Variants in SCLT1 observed in about 807,000 individuals in gnomAD.
SCLT1 encodes the protein sodium channel and clathrin linker 1.
A neutral mutation model predicts 112.8 loss-of-function variants in SCLT1; 78 were observed. The ratio of observed to expected loss-of-function variants is 0.69; its 90% CI spans 0.58 to 0.83. The LOEUF (loss-of-function observed/expected upper bound fraction) is 0.83. SCLT1 is among the 40% of genes least tolerant of loss of function. The pLI, the probability that SCLT1 is intolerant of heterozygous loss-of-function variation, is 0.00. For missense variants in SCLT1, 747 were observed against 770.4 expected (o/e 0.97, Z 0.36); for synonymous variants, 257 against 254.7 (o/e 1.01, Z -0.09).
At position 128,946,165 on chromosome 4, in the gene SCLT1, C is replaced by T. The variant is rs760916474; in HGVS notation, c.1294-13G>A. On this transcript the variant is annotated splice_polypyrimidine_tract_variant and intron_variant, in intron 15 of 20. Coordinates refer to ENST00000281142, the MANE Select transcript of SCLT1 (RefSeq NM_144643.4). Reference sequence around the variant, plus strand: ...CTTCACGGTAAATCTGCAGAAAAGGCTTATTAGGTATATAATATTACAGAA... The same window carrying T: ...CTTCACGGTAAATCTGCAGAAAAGGTTTATTAGGTATATAATATTACAGAA... 1 of 1,571,738 alleles carries T rather than the reference C, an allele frequency of 6.4e-7. No homozygotes were observed. Among genetic ancestry groups the T allele is most frequent in the Non-Finnish European group, 8.7e-7 (1 of 1,144,240 alleles).
chr4:128,900,390 G>A (rs9683989), intron 18 of SCLT1, among the ~76,000 whole-genome samples: 40,482 of 151,788 alleles, frequency 0.27, 5,712 homozygotes, highest in East Asian at 0.33. Flanking sequence ...ACAACCATCT[G>A]GTCTTTGACA....
intron 5 of SCLT1, among the ~76,000 whole-genome samples, chr4:129,026,452 T>C (rs1746093066): frequency 6.6e-6 from 1 of 151,832 alleles, no homozygotes; most frequent in African/African-American, 2.4e-5. Flanking sequence ...GAATGACTAC[T>C]GGGTAAATAA....
chr4:129,048,458 C>T (rs1168100548), intron 2 of SCLT1, among the ~76,000 whole-genome samples: 2 of 149,570 alleles, frequency 1.3e-5, no homozygotes, highest in African/African-American at 2.4e-5. Flanking sequence ...CCCTTCCTTA[C>T]ACCTTATACA....
At chr4:129,009,082 G>C (rs1560958657) in intron 5 of SCLT1, among the ~76,000 whole-genome samples, 1 of 152,140 alleles carries the variant, frequency 6.6e-6, no homozygotes, top group African/African-American at 2.4e-5. Flanking sequence ...CATCTAGGTT[G>C]ATCTATGTCT....
intron 8 of SCLT1, among the ~76,000 whole-genome samples, chr4:128,993,445 C>T (rs1742746691): frequency 6.6e-6 from 1 of 151,946 alleles, no homozygotes; most frequent in Non-Finnish European, 1.5e-5. Context: ...TTGGGAACAC[C>T]TCAAAGATAG....
chr4:129,085,214 GACA>G (rs1347401355), intron 1 of SCLT1, among the ~76,000 whole-genome samples: 3 of 152,034 alleles, frequency 2.0e-5, no homozygotes, highest in African/African-American at 7.2e-5. Context: ...CTCATGAACA[GACA>G]CCTTTTAAAA....
intron 10 of SCLT1, among the ~76,000 whole-genome samples, chr4:128,969,292 G>A (rs1715811538): frequency 6.6e-6 from 1 of 152,024 alleles, no homozygotes. Flanking sequence ...CCTATTGCTG[G>A]CCGGGCGCGG....
chr4:128,903,155 T>C (rs1476765826), intron 18 of SCLT1, among the ~76,000 whole-genome samples: 1 of 152,198 alleles, frequency 6.6e-6, no homozygotes, highest in Admixed American at 6.5e-5. Context: ...CCAGTAACAC[T>C]GCTGTTGATT....
chr4:128,931,434 C>T (rs1736753364), intron 18 of SCLT1, among the ~76,000 whole-genome samples: 1 of 151,986 alleles, frequency 6.6e-6, no homozygotes, highest in Non-Finnish European at 1.5e-5. Flanking sequence ...AGATATATTT[C>T]ATTATATAAA....
intron 18 of SCLT1, among the ~76,000 whole-genome samples, chr4:128,894,699 G>A (rs1453426479): frequency 6.6e-6 from 1 of 151,458 alleles, no homozygotes; most frequent in Non-Finnish European, 1.5e-5. Context: ...TTTTTTGTGA[G>A]ATGGAGTCTC....
intron 18 of SCLT1, among the ~76,000 whole-genome samples, chr4:128,895,979 G>T (rs1030783945): frequency 6.6e-6 from 1 of 152,222 alleles, no homozygotes; most frequent in African/African-American, 2.4e-5. Flanking sequence ...AGGCGGCAGC[G>T]AGGCTGGGGG....
intron 20 of SCLT1, among the ~76,000 whole-genome samples, chr4:128,886,157 C>A (rs1325473890): frequency 6.6e-6 from 1 of 152,120 alleles, no homozygotes; most frequent in Admixed American, 6.6e-5. Context: ...CTTCACCACG[C>A]TGATTTAAAA....
At chr4:128,996,343 A>G (rs1341343208) in intron 8 of SCLT1, among the ~76,000 whole-genome samples, 2 of 152,100 alleles carry the variant, frequency 1.3e-5, no homozygotes, top group Admixed American at 1.3e-4. Flanking sequence ...GTCAAATTAT[A>G]TTGAAAGACA....
At chr4:128,966,455 G>A (rs1028739632) in intron 10 of SCLT1, among the ~76,000 whole-genome samples, 1 of 152,144 alleles carries the variant, frequency 6.6e-6, no homozygotes, top group Admixed American at 6.5e-5. Context: ...TCCCAGTCCT[G>A]AGTGCCATTG....
At chr4:129,020,878 G>A (rs886948045) in intron 5 of SCLT1, among the ~76,000 whole-genome samples, 6 of 152,178 alleles carry the variant, frequency 3.9e-5, no homozygotes, top group African/African-American at 1.4e-4. Flanking sequence ...TAGGTATAGA[G>A]TGGTAGAAGA....
chr4:128,939,857 G>A (rs1737531869), intron 17 of SCLT1, among the ~76,000 whole-genome samples: 1 of 152,082 alleles, frequency 6.6e-6, no homozygotes. Context: ...TCTTTTGCAA[G>A]AGGGAGAAAA....
At chr4:129,091,380 T>A (rs1037718711) in intron 1 of SCLT1, among the ~76,000 whole-genome samples, 2 of 151,864 alleles carry the variant, frequency 1.3e-5, no homozygotes, top group South Asian at 2.1e-4. Flanking sequence ...CACTCATTTT[T>A]AAAAAAATGT....
intron 1 of SCLT1, among the ~76,000 whole-genome samples, chr4:129,092,539 T>TA (rs1350791596): frequency 6.6e-6 from 1 of 152,256 alleles, no homozygotes; most frequent in Non-Finnish European, 1.5e-5. Flanking sequence ...AATATTCATT[T>TA]AATCTTTCCA....
rs1338249038 is a variant in SCLT1, at chr4:128,878,428, CT to C, written n.226-1793del. Among the ~76,000 whole-genome samples the C allele has an allele frequency of 3.3e-5, 5 of 152,094 alleles. No homozygotes were observed. In the East Asian group the frequency reaches 5.8e-4, roughly 18 times the overall value. On this transcript the variant is annotated intron_variant and non_coding_transcript_variant, in intron 3 of 7. Transcript: ENST00000503565. Reference sequence around the variant, plus strand: ...ATTTCTTTATGAAGCAAATCTTTTTCTTTGGTGTTTCCCTTCCCATGCAACA... The same window carrying C: ...ATTTCTTTATGAAGCAAATCTTTTTCTTGGTGTTTCCCTTCCCATGCAACA...
Sources: gnomAD v4.1 joint callset for allele counts (sites outside exome capture counted in the v4.1 genomes callset) on GRCh38, gnomAD v4.1.1 for gene constraint, MANE v1.5 for transcripts, NCBI Gene and HGNC (gene_info 2026-07-23, HGNC 2026-07-21) for gene names.